SART3: variants seen among roughly 807,000 people sequenced by gnomAD.
SART3 encodes HIV-1 Tat-interacting protein of 110kDa.
A neutral mutation model predicts 122.3 loss-of-function variants in SART3; 44 were observed. The ratio of observed to expected loss-of-function variants is 0.36; its 90% confidence interval spans 0.28 to 0.46. The LOEUF (loss-of-function observed/expected upper bound fraction) is 0.46, where lower values mean the gene tolerates loss of function less well. Ranked by LOEUF, SART3 falls within the 20% of genes least tolerant of loss-of-function variation. The probability of loss-of-function intolerance (pLI) is 1.00; values close to 1 mark genes in which losing one functional copy is unlikely to be tolerated. For synonymous variants in SART3, 442 were observed against 454.0 expected (o/e 0.97, Z 0.34); for missense variants, 1,101 against 1,229.0 (o/e 0.90, Z 1.56).
At chr12:108,552,536 C>CAAAAAAAAAAAAAAAAAAAAAAA (rs750041162) in intron 1 of SART3, among the ~76,000 whole-genome samples, 1 of 114,396 alleles carries the variant, frequency 8.7e-6, no homozygotes, top group African/African-American at 4.1e-5. Context: ...GATAAACATA[C>CAAAAAAAAAAAAAAAAAAAAAAA]AAAAACAAAA....
chr12:108,555,852 A>T (rs1301531884), intron 1 of SART3, among the ~76,000 whole-genome samples: 1 of 152,218 alleles, frequency 6.6e-6, no homozygotes, highest in Non-Finnish European at 1.5e-5. Context: ...TATATGAAAG[A>T]GCCAAAACAC....
intron 1 of SART3, among the ~76,000 whole-genome samples, chr12:108,555,834 C>G (rs1349061685): frequency 6.6e-6 from 1 of 151,940 alleles, no homozygotes; most frequent in Admixed American, 6.6e-5. Context: ...CAAAATAATT[C>G]TAAAATTTAT....
chr12:108,537,474 A>G lies in SART3; in HGVS notation c.1309+14T>C, dbSNP rs559677424. ...CATGTTCAGCTCTAAAGTGAAAAAC[A>G]TGTGCTTAAATACCTTGTTTGAAAT... is the stretch of plus-strand genomic sequence containing the variant. On this transcript the variant is annotated intron_variant, in intron 9 of 18. Transcript: ENST00000546815. The G allele has an allele frequency of 2.5e-6, 4 of 1,596,408 alleles. No homozygotes were observed. The highest frequency in any genetic ancestry group is 1.3e-5 in the African/African-American group (1 of 74,722).
chr12:108,527,927 A>G (rs1872466373), intron 15 of SART3, among the ~76,000 whole-genome samples: 1 of 151,988 alleles, frequency 6.6e-6, no homozygotes. Context: ...CACCACAGCC[A>G]ACTAATTTTT....
At chr12:108,542,503 A>G (rs556935423) in intron 6 of SART3, among the ~76,000 whole-genome samples, 10 of 151,650 alleles carry the variant, frequency 6.6e-5, no homozygotes, top group Non-Finnish European at 1.0e-4. Flanking sequence ...GAAATGACCC[A>G]ACTATCCAGC....
At chr12:108,545,830 G>C (rs1407957673) in intron 3 of SART3, among the ~76,000 whole-genome samples, 1 of 151,940 alleles carries the variant, frequency 6.6e-6, no homozygotes, top group Non-Finnish European at 1.5e-5. Flanking sequence ...GCCAGGCGTT[G>C]TGGCAGGCAC....
At chr12:108,532,758 T>C (rs1371056511) in intron 12 of SART3, 1 of 174,668 alleles carries the variant, frequency 5.7e-6, no homozygotes, top group South Asian at 1.1e-4. Context: ...AGTCAGATCT[T>C]TTTTTTTTTT....
At position 108,525,427 on chromosome 12, in the gene SART3, A is replaced by C. The variant is rs553084336; in HGVS notation, c.2523+30T>G. ...GAAACGAAGTTTGCCCAAGCCTTGA[A>C]GACAAGGCACAATCTGCTCTGACTC... On this transcript the variant is annotated intron_variant, in intron 17 of 18. Transcript: ENST00000546815. 33 of 1,613,382 alleles carry C rather than the reference A, an allele frequency of 2.0e-5. No individual in the cohort carries two copies. The Middle Eastern group carries it at 1.2e-3, about 59-fold the overall frequency.
chr12:108,545,080 T>C, intron 4 of SART3, 59 bp downstream of exon 4: 1 of 1,503,806 alleles, frequency 6.6e-7, no homozygotes, highest in South Asian at 1.1e-5. Context: ...AAAATAATCC[T>C]TCCAAGGAGA....
intron 7 of SART3, 129 bp from the exon 8 acceptor site, chr12:108,538,332 C>A: frequency 5.8e-6 from 6 of 1,035,740 alleles, no homozygotes; most frequent in Admixed American, 4.1e-5. Flanking sequence ...CTGGTTTCCT[C>A]AACAACAACA....
rs75205510 is a variant in SART3 at position 108,534,321 on chromosome 12, G to A, written c.1556+1038C>T. Reference sequence around the variant, plus strand: ...TGGATCCTGAGACCAAAAAAATTGTGAACTGCAGATCTAGGGGGATATTCA... The same window carrying A: ...TGGATCCTGAGACCAAAAAAATTGTAAACTGCAGATCTAGGGGGATATTCA... On this transcript the variant is annotated intron_variant, in intron 12 of 18. Transcript: ENST00000546815. Among the ~76,000 whole-genome samples the A allele has an allele frequency of 1.4e-4, 21 of 152,198 alleles. No homozygotes were observed. In the East Asian group the frequency reaches 4.0e-3, roughly 29 times the overall value.
chr12:108,558,115 G>A (rs1220069159), intron 1 of SART3, among the ~76,000 whole-genome samples: 1 of 152,074 alleles, frequency 6.6e-6, no homozygotes, highest in African/African-American at 2.4e-5. Flanking sequence ...GCTGCAGTGA[G>A]CCATGATCAC....
chr12:108,539,072 TG>T lies in SART3; in HGVS notation c.923del (p.Pro308GlnfsTer14). 1 of 1,614,204 alleles carries T rather than the reference TG, an allele frequency of 6.2e-7. No individual in the cohort carries two copies. The highest frequency in any genetic ancestry group is 8.5e-7 in the Non-Finnish European group (1 of 1,180,030). ...YEEALLQAEA[P>X]RLAEYQAYID... ...TATATGCTTGATATTCTGCCAGCCT[TG>T]GTGCCTCTGCCTGCAACTGGAGTAC... is the stretch of plus-strand genomic sequence containing the variant. On this transcript the variant is annotated frameshift_variant, in exon 7 of 19. Transcript: ENST00000546815. LOFTEE classifies it high-confidence loss of function.
chr12:108,553,280 G>C (rs2136693385), intron 1 of SART3, among the ~76,000 whole-genome samples: 1 of 152,284 alleles, frequency 6.6e-6, no homozygotes, highest in East Asian at 1.9e-4. Flanking sequence ...TAAGGTGACA[G>C]AACTGATCTG....
At chr12:108,560,760 G>T in intron 1 of SART3, 83 bp downstream of exon 1, 1 of 1,262,394 alleles carries the variant, frequency 7.9e-7, no homozygotes, top group Non-Finnish European at 1.1e-6. Flanking sequence ...TATCGCCGCC[G>T]AGGACTAGGG....
Position 108,547,885 on chromosome 12 carries a change from AC to A in SART3, c.544+1del. ...ATCCAAAAAAAGTCCACGGGAACTT[AC>A]AAATGTAATCCTTCACGGCTTTCTC... On this transcript the variant is annotated splice_donor_variant, in intron 3 of 18. Transcript: ENST00000546815. LOFTEE classifies it high-confidence loss of function. 5 of 1,611,246 alleles carry A rather than the reference AC, an allele frequency of 3.1e-6. No individual in the cohort carries two copies. The highest frequency in any genetic ancestry group is 4.2e-6 in the Non-Finnish European group (5 of 1,177,870).
chr12:108,549,155 C>T lies in SART3; in HGVS notation c.372G>A (p.Leu124=), dbSNP rs1410098041. The change falls in exon 2 of 19, where the codon CTG becomes CTA. Residue 124 remains leucine (L), a synonymous_variant. Coordinates refer to ENST00000546815, the MANE Select transcript of SART3 (RefSeq NM_014706.4). ...CHVDLIRLLR[L]EGELTKVRMA... is the part of the protein sequence containing the mutation. Reference sequence around the variant, plus strand: ...TCCTCACCTTGGTAAGCTCCCCTTCCAGCCTGAGCAGTCTGATCAAGTCCA... The same window carrying T: ...TCCTCACCTTGGTAAGCTCCCCTTCTAGCCTGAGCAGTCTGATCAAGTCCA... 1.9e-6 allele frequency: 3 copies of T among 1,614,228 alleles called. No individual in the cohort carries two copies. Among genetic ancestry groups the T allele is most frequent in the Non-Finnish European group, 2.5e-6 (3 of 1,180,032 alleles).
At chr12:108,545,366 C>T in intron 3 of SART3, 43 bp from the exon 4 acceptor site, 2 of 1,596,126 alleles carry the variant, frequency 1.3e-6, no homozygotes, top group East Asian at 2.2e-5. Flanking sequence ...TATAAAATAC[C>T]CAAATATCAA....
At chr12:108,547,383 T>G (rs1873474984) in intron 3 of SART3, among the ~76,000 whole-genome samples, 1 of 152,196 alleles carries the variant, frequency 6.6e-6, no homozygotes, top group African/African-American at 2.4e-5. Context: ...ATGTCTTTTT[T>G]TTCCCATTGT....
Sources: allele counts gnomAD v4.1 joint callset (sites outside exome capture counted in the v4.1 genomes callset), GRCh38; gene constraint gnomAD v4.1.1; transcripts MANE v1.5; gene names NCBI Gene and HGNC (gene_info 2026-07-23, HGNC 2026-07-21).